BRAF: variants seen among roughly 807,000 people sequenced by gnomAD.
The protein encoded by BRAF is B-Raf proto-oncogene, serine/threonine kinase.
A neutral mutation model predicts 104.6 loss-of-function variants in BRAF; 16 were observed. That is an observed-to-expected ratio of 0.15 (90% CI 0.10 to 0.23). The LOEUF (loss-of-function observed/expected upper bound fraction) is 0.23. Ranked by LOEUF, BRAF falls within the 10% of genes least tolerant of loss-of-function variation. The probability of loss-of-function intolerance (pLI) is 1.00; values close to 1 mark genes in which losing one functional copy is unlikely to be tolerated. For synonymous variants in BRAF, 310 were observed against 341.6 expected, an observed-to-expected ratio of 0.91 and a Z score of 1.02; for missense variants, 541 against 937.3, an observed-to-expected ratio of 0.58 and a Z score of 5.52.
intron 14 of BRAF, among the ~76,000 whole-genome samples, chr7:140,769,975 C>T (rs1316061267): frequency 6.6e-6 from 1 of 152,182 alleles, no homozygotes; most frequent in African/African-American, 2.4e-5. Context: ...AAGCATTTTC[C>T]TATTTTAACA....
chr7:140,789,711 T>C (rs554293181), intron 8 of BRAF, among the ~76,000 whole-genome samples: 55 of 152,200 alleles, frequency 3.6e-4, no homozygotes, highest in Non-Finnish European at 7.5e-4. Context: ...TGCTGCTCAA[T>C]TGATTGCCAA....
chr7:140,898,564 T>C (rs1306009658), intron 1 of BRAF, among the ~76,000 whole-genome samples: 1 of 152,328 alleles, frequency 6.6e-6, no homozygotes, highest in East Asian at 1.9e-4. Context: ...TTTCCCTTTA[T>C]TATAAAGCTA....
intron 1 of BRAF, among the ~76,000 whole-genome samples, chr7:140,908,341 G>A (rs1031132691): frequency 6.6e-5 from 10 of 151,912 alleles, no homozygotes; most frequent in Non-Finnish European, 1.0e-4. Flanking sequence ...AATTTTGCTT[G>A]CTAATTTTTT....
intron 1 of BRAF, among the ~76,000 whole-genome samples, chr7:140,881,462 C>T (rs563176325): frequency 7.2e-5 from 11 of 152,300 alleles, no homozygotes; most frequent in Non-Finnish European, 1.5e-4. Context: ...ACTATGATGG[C>T]CAGGCTGGTC....
intron 7 of BRAF, among the ~76,000 whole-genome samples, chr7:140,797,073 T>C (rs1802565055): frequency 6.6e-6 from 1 of 152,170 alleles, no homozygotes; most frequent in African/African-American, 2.4e-5. Context: ...CCCTATGAAG[T>C]ATCTTGGCAG....
chr7:140,747,365 C>A, intron 17 of BRAF: 14 of 1,269,098 alleles, frequency 1.1e-5, no homozygotes, highest in Non-Finnish European at 1.1e-5. Flanking sequence ...AAAGGCCTTA[C>A]CCTTCTGTTG....
intron 13 of BRAF, 68 bp from the exon 13 acceptor site, chr7:140,777,156 C>T (rs2129018758): frequency 1.3e-6 from 2 of 1,520,638 alleles, no homozygotes; most frequent in East Asian, 2.3e-5. Context: ...CAAAAGAGAA[C>T]CAAAGTAGTC....
At chr7:140,912,876 GACT>G (rs1817151536) in intron 1 of BRAF, among the ~76,000 whole-genome samples, 2 of 152,094 alleles carry the variant, frequency 1.3e-5, no homozygotes, top group African/African-American at 2.4e-5. Context: ...TCCAAAATCT[GACT>G]ACTTCTCAGT....
At position 140,722,175 on chromosome 7, in the gene BRAF, T is replaced by C. The variant is rs1585887953; in HGVS notation, c.*4319A>G. ...TGAACTATATTTGCAACCTAGTTGCTCTATGTGATAAATATATCTGACTAT... is the reference window on the plus strand; with the variant it reads ...TGAACTATATTTGCAACCTAGTTGCCCTATGTGATAAATATATCTGACTAT... On this transcript the variant is annotated 3_prime_UTR_variant, in exon 20 of 20. Coordinates refer to ENST00000644969, the MANE Select transcript of BRAF (RefSeq NM_001374258.1). The C allele has an allele frequency of 4.7e-6, 5 of 1,061,044 alleles. No individual in the cohort carries two copies. The highest frequency in any genetic ancestry group is 5.7e-6 in the Non-Finnish European group (5 of 876,442). 65.7% of individuals were successfully genotyped at this position (1,061,044 alleles called of 1,614,324 possible).
intron 19 of BRAF, chr7:140,726,569 G>C (rs1436331652): frequency 7.0e-7 from 1 of 1,419,756 alleles, no homozygotes; most frequent in Admixed American, 2.0e-5. Context: ...AAATAACCTA[G>C]AGACACAGAA....
At chr7:140,854,808 G>A (rs1319267934) in intron 1 of BRAF, among the ~76,000 whole-genome samples, 1 of 152,108 alleles carries the variant, frequency 6.6e-6, no homozygotes, top group Admixed American at 6.5e-5. Context: ...AGCCGGGCGT[G>A]GTGGCGTGTG....
chr7:140,744,730 C>T (rs1008645855), intron 17 of BRAF, among the ~76,000 whole-genome samples: 1 of 152,016 alleles, frequency 6.6e-6, no homozygotes, highest in Admixed American at 6.6e-5. Flanking sequence ...CAGATACATA[C>T]ATTAATTGAA....
chr7:140,850,234 T>A (rs772204850), intron 1 of BRAF, 22 bp from the exon 2 acceptor site: 17 of 1,536,488 alleles, frequency 1.1e-5, no homozygotes, highest in Non-Finnish European at 1.5e-5. Flanking sequence ...TTCAAAAGAA[T>A]TTAAATAAAA....
chr7:140,857,429 G>C (rs1399898338), intron 1 of BRAF, among the ~76,000 whole-genome samples: 2 of 152,172 alleles, frequency 1.3e-5, no homozygotes, highest in Non-Finnish European at 2.9e-5. Context: ...AGAAATGTAA[G>C]AGAGTACACC....
In BRAF at chr7:140,804,993, G is replaced by A. The variant is rs184408682; in HGVS notation, c.711+2967C>T. ...ACTTTTTGTATTTTTTTGGAGAGAT[G>A]AGGTTTTGTCATGTTACCCAGGCTG... On this transcript the variant is annotated intron_variant, in intron 5 of 19. Transcript: ENST00000644969. Among the ~76,000 whole-genome samples the A allele has an allele frequency of 1.2e-3, 185 of 151,810 alleles. 1 individual carries two copies. The highest frequency in any genetic ancestry group is 4.0e-3 in the African/African-American group (166 of 41,428).
At chr7:140,780,002 A>C (rs990973310) in intron 12 of BRAF, 3 of 152,220 alleles carry the variant, frequency 2.0e-5, no homozygotes, top group African/African-American at 7.2e-5. Context: ...TAATAAGTTA[A>C]ATCAACATTG....
chr7:140,729,326 T>G (rs188039391), intron 19 of BRAF, among the ~76,000 whole-genome samples: 83 of 152,178 alleles, frequency 5.5e-4, no homozygotes, highest in African/African-American at 1.8e-3. Flanking sequence ...AGTGTCATAC[T>G]CCACAAACTT....
intron 1 of BRAF, among the ~76,000 whole-genome samples, chr7:140,907,202 A>G (rs150425841): frequency 6.6e-6 from 1 of 152,270 alleles, no homozygotes; most frequent in East Asian, 1.9e-4. Context: ...TATATTTGGT[A>G]AAGTGTTCAC....
chr7:140,765,214 A>C (rs62487913), intron 14 of BRAF, among the ~76,000 whole-genome samples: 23,063 of 152,198 alleles, frequency 0.15, 2,819 homozygotes, highest in African/African-American at 0.35. Context: ...TTCCCTACTT[A>C]ATAAACGGTG....
Sources: gnomAD v4.1 joint callset for allele counts (sites outside exome capture counted in the v4.1 genomes callset) on GRCh38, gnomAD v4.1.1 for gene constraint, MANE v1.5 for transcripts, NCBI Gene and HGNC (gene_info 2026-07-23, HGNC 2026-07-21) for gene names.